The following SPOCK1 variants were observed in gnomAD, a reference collection of about 807,000 sequenced individuals.
The protein encoded by SPOCK1 is testican-1.
Under a neutral mutation model 55.3 loss-of-function variants are expected in SPOCK1, and 23 were observed. That is an observed-to-expected ratio of 0.42 (90% CI 0.30 to 0.59). The LOEUF is 0.59. Ranked by LOEUF, SPOCK1 falls within the 20% of genes least tolerant of loss-of-function variation. SPOCK1 has a pLI of 0.22. For synonymous variants in SPOCK1, 226 were observed against 221.0 expected (o/e 1.02, Z -0.20); for missense variants, 499 against 552.5 (o/e 0.90, Z 0.97).
chr5:137,223,207 T>A (rs901288395), intron 3 of SPOCK1, among the ~76,000 whole-genome samples: 1 of 151,554 alleles, frequency 6.6e-6, no homozygotes, highest in Non-Finnish European at 1.5e-5. Flanking sequence ...ATTTGTCACT[T>A]TTCTCCCAAT....
chr5:137,348,262 G>A (rs1277632844), intron 2 of SPOCK1, among the ~76,000 whole-genome samples: 1 of 152,070 alleles, frequency 6.6e-6, no homozygotes, highest in Non-Finnish European at 1.5e-5. Flanking sequence ...GGGCCACAGG[G>A]GATAATAACA....
chr5:137,265,733 A>T (rs897479363), intron 3 of SPOCK1, among the ~76,000 whole-genome samples: 5 of 152,152 alleles, frequency 3.3e-5, no homozygotes, highest in Non-Finnish European at 4.4e-5. Flanking sequence ...GTTTTGCTGG[A>T]CACCTTGCCC....
chr5:136,984,404 GTTGCAGCTGACACCTCTTTT>G (rs1448718539), intron 9 of SPOCK1, among the ~76,000 whole-genome samples: 1 of 95,112 alleles, frequency 1.1e-5, no homozygotes, highest in Non-Finnish European at 2.5e-5. Context: ...GTATTACTGT[GTTGCAGCTGACACCTCTTTT>G]TTTAAAAGCA....
intron 9 of SPOCK1, 156 bp from the exon 10 acceptor site, chr5:136,979,625 G>A (rs1750688635): frequency 1.1e-6 from 1 of 942,780 alleles, no homozygotes; most frequent in African/African-American, 1.7e-5. Context: ...CAAAATTACA[G>A]GGCCCTTAAC....
intron 3 of SPOCK1, among the ~76,000 whole-genome samples, chr5:137,232,944 G>A (rs1756095139): frequency 6.6e-6 from 1 of 152,186 alleles, no homozygotes; most frequent in Admixed American, 6.5e-5. Flanking sequence ...ATCATGGATG[G>A]AGGGAAGATC....
intron 6 of SPOCK1, among the ~76,000 whole-genome samples, chr5:137,002,152 C>G (rs1179309850): frequency 2.0e-5 from 3 of 152,068 alleles, no homozygotes; most frequent in Non-Finnish European, 4.4e-5. Flanking sequence ...GTTTAAAATA[C>G]TGACATTAAA....
rs1376618351 is a variant in SPOCK1, at chr5:137,396,592, T to G, written c.186+101781A>C. On this transcript the variant is annotated intron_variant, in intron 2 of 10. Coordinates refer to ENST00000394945, the MANE Select transcript of SPOCK1 (RefSeq NM_004598.4). ...CTAGTGCACCTGCTGCACCTGCAGC[T>G]ACCTATGAGCACACATCTAGGTTGT... Among the ~76,000 whole-genome samples, 4 of 152,374 alleles carry G rather than the reference T, an allele frequency of 2.6e-5. No individual in the cohort carries two copies. The East Asian group carries it at 7.7e-4, about 29-fold the overall frequency.
In SPOCK1 at chr5:137,004,548, CTAT is replaced by C. The variant is rs760598544; in HGVS notation, c.590-11951_590-11949del. On this transcript the variant is annotated intron_variant, in intron 6 of 10. Transcript: ENST00000394945. Reference sequence around the variant, plus strand: ...GACTGGCACAGTGATAAAATGTTTGCTATTATTATTATCTCTATTTCTAGTAAA... The same window carrying C: ...GACTGGCACAGTGATAAAATGTTTGCTATTATTATCTCTATTTCTAGTAAA... Among the ~76,000 whole-genome samples the C allele has an allele frequency of 6.2e-4, 95 of 152,150 alleles. 1 individual carries two copies. The highest frequency in any genetic ancestry group is 1.0e-3 in the Non-Finnish European group (69 of 68,000).
chr5:136,994,208 C>T (rs1335274826), intron 6 of SPOCK1, among the ~76,000 whole-genome samples: 2 of 151,668 alleles, frequency 1.3e-5, no homozygotes, highest in African/African-American at 4.8e-5. Flanking sequence ...AGTGTTTATA[C>T]CCCAGTTTTT....
At chr5:137,312,519 T>A (rs1033107350) in intron 2 of SPOCK1, among the ~76,000 whole-genome samples, 9 of 152,230 alleles carry the variant, frequency 5.9e-5, no homozygotes, top group Non-Finnish European at 8.8e-5. Context: ...TTGTTTTTTT[T>A]AAATTTTTTG....
intron 2 of SPOCK1, among the ~76,000 whole-genome samples, chr5:137,287,080 T>A (rs913946593): frequency 6.6e-6 from 1 of 152,074 alleles, no homozygotes; most frequent in African/African-American, 2.4e-5. Flanking sequence ...GCACCCAGGG[T>A]CACACTGCTT....
intron 2 of SPOCK1, among the ~76,000 whole-genome samples, chr5:137,306,345 C>T (rs1350895675): frequency 1.3e-5 from 2 of 152,152 alleles, no homozygotes; most frequent in Non-Finnish European, 2.9e-5. Flanking sequence ...TCCCCGATAA[C>T]GCAGCATGTA....
At chr5:137,209,242 A>T (rs777978234) in intron 3 of SPOCK1, among the ~76,000 whole-genome samples, 8 of 152,242 alleles carry the variant, frequency 5.3e-5, no homozygotes, top group Non-Finnish European at 1.2e-4. Flanking sequence ...GGAATTACCC[A>T]CAAAGACTGT....
intron 3 of SPOCK1, among the ~76,000 whole-genome samples, chr5:137,239,378 C>T (rs1030727742): frequency 2.6e-5 from 4 of 152,168 alleles, no homozygotes; most frequent in African/African-American, 9.7e-5. Flanking sequence ...TTATAACAAA[C>T]CAGTAATAAA....
chr5:136,981,216 T>C (rs1446245418), intron 9 of SPOCK1, among the ~76,000 whole-genome samples: 2 of 152,196 alleles, frequency 1.3e-5, no homozygotes, highest in Non-Finnish European at 2.9e-5. Context: ...GAACCACAAG[T>C]TTACAGTATT....
intron 5 of SPOCK1, among the ~76,000 whole-genome samples, chr5:137,091,653 T>C (rs1189116107): frequency 6.6e-6 from 1 of 152,212 alleles, no homozygotes; most frequent in African/African-American, 2.4e-5. Flanking sequence ...ACTGTCAGTC[T>C]GTTGGAGGAT....
At chr5:136,988,115 G>A (rs1304589474) in intron 8 of SPOCK1, among the ~76,000 whole-genome samples, 1 of 151,996 alleles carries the variant, frequency 6.6e-6, no homozygotes, top group East Asian at 1.9e-4. Flanking sequence ...AGTGACCTTT[G>A]GATTATGTCA....
chr5:137,029,598 C>T lies in SPOCK1; in HGVS notation c.590-36998G>A, dbSNP rs544127039. On this transcript the variant is annotated intron_variant, in intron 6 of 10. Transcript: ENST00000394945. The stretch of plus-strand genomic sequence containing the variant: ...GGCCTTAAAGTCCTCACACGTGCAA[C>T]TCCAACAGTGATTATCAAACTTGGT... Among the ~76,000 whole-genome samples, 4 of 152,294 alleles carry T rather than the reference C, an allele frequency of 2.6e-5. No individual in the cohort carries two copies. In the South Asian group the frequency reaches 8.3e-4, roughly 32 times the overall value.
At chr5:137,098,730 C>T (rs932857829) in intron 5 of SPOCK1, among the ~76,000 whole-genome samples, 1 of 152,236 alleles carries the variant, frequency 6.6e-6, no homozygotes, top group African/African-American at 2.4e-5. Flanking sequence ...CTCACCTGCA[C>T]TGACCATCAA....
Sources: gnomAD v4.1 joint callset for allele counts (sites outside exome capture counted in the v4.1 genomes callset) on GRCh38, gnomAD v4.1.1 for gene constraint, MANE v1.5 for transcripts, NCBI Gene and HGNC (gene_info 2026-07-23, HGNC 2026-07-21) for gene names.